The following NEBL variants were observed in gnomAD, a reference collection of about 807,000 sequenced individuals.
NEBL encodes the protein LIM and SH3 protein 2.
In NEBL, 122 loss-of-function variants were observed where a neutral mutation model predicts 140.2. The observed-to-expected ratio is 0.87, with a 90% CI of 0.75 to 1.01. The LOEUF is 1.01. NEBL is among the 50% of genes least tolerant of loss of function. The pLI is 0.00. For missense variants in NEBL, 1,365 were observed against 1,231.3 expected (o/e 1.11, Z -1.62); for synonymous variants, 436 against 398.9 (o/e 1.09, Z -1.11).
At chr10:20,882,168 G>T (rs374997467) in intron 4 of NEBL, among the ~76,000 whole-genome samples, 2 of 141,818 alleles carry the variant, frequency 1.4e-5, no homozygotes, top group East Asian at 4.1e-4. Flanking sequence ...TCCTGCAAAA[G>T]AAAGAAAGAA....
rs757463439 is a variant in NEBL, at chr10:20,828,507, TAAAAG to T, written c.1776+18_1776+22del. ...AAAACAAAATTTCAAGGTGGCAACTTAAAAGAAGTAATGGCTACTCACCGCACTAA... is the reference window on the plus strand; with the variant it reads ...AAAACAAAATTTCAAGGTGGCAACTTAAGTAATGGCTACTCACCGCACTAA... On this transcript the variant is annotated intron_variant, in intron 17 of 27. Transcript: ENST00000377122. The T allele has an allele frequency of 1.9e-5, 28 of 1,487,158 alleles. No homozygotes were observed. Among genetic ancestry groups the T allele is most frequent in the Non-Finnish European group, 2.6e-5 (28 of 1,065,346 alleles). The allele number at this position is 1,487,158 out of a possible 1,614,324, so 92.1% of individuals were successfully genotyped here.
chr10:21,046,476 C>G (rs943228525), intron 2 of NEBL, among the ~76,000 whole-genome samples: 5 of 152,196 alleles, frequency 3.3e-5, no homozygotes, highest in East Asian at 3.8e-4. Context: ...ACATACATAA[C>G]TTTTGCTTCT....
chr10:21,259,418 G>A (rs1019414495), intron 1 of NEBL, among the ~76,000 whole-genome samples: 2 of 152,110 alleles, frequency 1.3e-5, no homozygotes, highest in African/African-American at 4.8e-5. Flanking sequence ...GACTCAGACA[G>A]GCTTCAAGTT....
chr10:20,926,679 C>T (rs909314164), intron 4 of NEBL, among the ~76,000 whole-genome samples: 2 of 152,122 alleles, frequency 1.3e-5, no homozygotes, highest in East Asian at 1.9e-4. Flanking sequence ...GTGAGCTGAG[C>T]GGGTGCAGGG....
intron 26 of NEBL, among the ~76,000 whole-genome samples, chr10:20,791,872 T>G (rs530871901): frequency 2.4e-4 from 36 of 152,252 alleles, no homozygotes; most frequent in African/African-American, 7.9e-4. Context: ...AGAATATGAT[T>G]AAGTGTCCTT....
chr10:20,794,138 A>G (rs2131656765), intron 26 of NEBL, among the ~76,000 whole-genome samples: 1 of 152,330 alleles, frequency 6.6e-6, no homozygotes, highest in Admixed American at 6.5e-5. Context: ...CATTCCTGGG[A>G]AAGCCAGTGC....
chr10:21,010,438 A>C (rs1838293887), intron 3 of NEBL, among the ~76,000 whole-genome samples: 1 of 150,950 alleles, frequency 6.6e-6, no homozygotes, highest in African/African-American at 2.4e-5. Context: ...TTTTTTTGCA[A>C]GAACAGGGTT....
At chr10:21,217,178 C>A (rs1476916279) in intron 3 of NEBL, among the ~76,000 whole-genome samples, 1 of 152,198 alleles carries the variant, frequency 6.6e-6, no homozygotes, top group South Asian at 2.1e-4. Context: ...CTGGCATCCC[C>A]CCAAAATCTA....
intron 3 of NEBL, among the ~76,000 whole-genome samples, chr10:21,183,769 C>G (rs571287001): frequency 6.6e-6 from 1 of 152,214 alleles, no homozygotes; most frequent in Admixed American, 6.5e-5. Flanking sequence ...TGTGTCGCCA[C>G]CCAAATCTCA....
chr10:21,050,169 G>C (rs190754474), intron 2 of NEBL, among the ~76,000 whole-genome samples: 1 of 152,298 alleles, frequency 6.6e-6, no homozygotes, highest in African/African-American at 2.4e-5. Flanking sequence ...GGTTTCACCA[G>C]GTAGAGTCTC....
At chr10:21,227,928 TTG>T (rs1842194069) in intron 3 of NEBL, among the ~76,000 whole-genome samples, 1 of 151,976 alleles carries the variant, frequency 6.6e-6, no homozygotes, top group Non-Finnish European at 1.5e-5. Context: ...GTTCAGAATC[TTG>T]TGGCAAGCAC....
intron 3 of NEBL, among the ~76,000 whole-genome samples, chr10:21,227,461 T>C (rs1156340885): frequency 2.0e-5 from 3 of 152,260 alleles, no homozygotes; most frequent in African/African-American, 7.2e-5. Flanking sequence ...GTTGAAAATG[T>C]TGATTCTCCC....
At chr10:21,003,556 C>A (rs984783622) in intron 3 of NEBL, among the ~76,000 whole-genome samples, 2 of 152,158 alleles carry the variant, frequency 1.3e-5, no homozygotes, top group African/African-American at 4.8e-5. Flanking sequence ...CTTCTGTATC[C>A]CTACTGGTAC....
intron 3 of NEBL, among the ~76,000 whole-genome samples, chr10:21,237,811 TG>T (rs1842379518): frequency 6.6e-6 from 1 of 152,140 alleles, no homozygotes; most frequent in Admixed American, 6.5e-5. Flanking sequence ...TTCACCATGT[TG>T]GCTGGGCTGG....
intron 2 of NEBL, among the ~76,000 whole-genome samples, chr10:21,127,819 A>T (rs1424037766): frequency 6.6e-6 from 1 of 152,240 alleles, no homozygotes; most frequent in Admixed American, 6.5e-5. Flanking sequence ...AATTGAATAA[A>T]TGTACTTAAT....
At chr10:21,212,508 C>T (rs1841935090) in intron 3 of NEBL, among the ~76,000 whole-genome samples, 1 of 152,228 alleles carries the variant, frequency 6.6e-6, no homozygotes, top group African/African-American at 2.4e-5. Flanking sequence ...TAAACCAACA[C>T]TCGTCATTTC....
chr10:20,987,953 G>A (rs1335774168), intron 3 of NEBL, among the ~76,000 whole-genome samples: 1 of 152,080 alleles, frequency 6.6e-6, no homozygotes, highest in African/African-American at 2.4e-5. Flanking sequence ...CAGCATTATG[G>A]TTACTTCCTT....
At chr10:21,265,054 C>A (rs551878559) in intron 1 of NEBL, among the ~76,000 whole-genome samples, 1 of 152,080 alleles carries the variant, frequency 6.6e-6, no homozygotes, top group South Asian at 2.1e-4. Context: ...TCCCGAGTAG[C>A]TGGGATTACA....
At chr10:20,963,987 C>T (rs1025677513) in intron 3 of NEBL, among the ~76,000 whole-genome samples, 4 of 152,228 alleles carry the variant, frequency 2.6e-5, no homozygotes, top group African/African-American at 9.6e-5. Context: ...CTCTTTTCCA[C>T]ACTCCCACCC....
Sources: allele counts gnomAD v4.1 joint callset (sites outside exome capture counted in the v4.1 genomes callset), GRCh38; gene constraint gnomAD v4.1.1; transcripts MANE v1.5; gene names NCBI Gene and HGNC (gene_info 2026-07-23, HGNC 2026-07-21).